MYO16: variants seen among roughly 807,000 people sequenced by gnomAD.
The protein encoded by MYO16 is myosin XVI.
MYO16 carries 94 observed loss-of-function variants against 205.3 expected under a neutral mutation model. That is an observed-to-expected ratio of 0.46 (90% confidence interval 0.39 to 0.54). The LOEUF (loss-of-function observed/expected upper bound fraction) is 0.54. MYO16 is among the 20% of genes least tolerant of loss of function. The pLI, the probability that MYO16 is intolerant of heterozygous loss-of-function variation, is 0.00. For synonymous variants in MYO16, 988 were observed against 954.0 expected (o/e 1.04, Z -0.66); for missense variants, 2,315 against 2,387.5 (o/e 0.97, Z 0.63).
rs1329440441 is a variant in MYO16 at position 109,179,761 on chromosome 13, T to C, written c.5415+128T>C. The C allele has an allele frequency of 4.9e-5, 32 of 658,706 alleles. No homozygotes were observed. The South Asian group carries it at 5.9e-4, about 12-fold the overall frequency. The allele number at this position is 658,706 out of a possible 1,614,324, so 40.8% of individuals were successfully genotyped here. A position where few individuals can be genotyped will look rare whatever the true frequency, so the allele number is the denominator to read the frequency against. On this transcript the variant is annotated intron_variant, in intron 34 of 34. Coordinates refer to ENST00000457511, the MANE Select transcript of MYO16 (RefSeq NM_001198950.3). ...GGCTCAGCTGTTCTCACCTCTGCCCTGCACTCCTTCAGCTGAATGGTCTTC... is the reference window on the plus strand; with the variant it reads ...GGCTCAGCTGTTCTCACCTCTGCCCCGCACTCCTTCAGCTGAATGGTCTTC...
At chr13:108,965,580 A>G (rs1228995332) in intron 20 of MYO16, among the ~76,000 whole-genome samples, 1 of 151,812 alleles carries the variant, frequency 6.6e-6, no homozygotes, top group East Asian at 1.9e-4. Context: ...CTAATTTTGT[A>G]TTTTTAGTAG....
intron 4 of MYO16, among the ~76,000 whole-genome samples, chr13:108,770,570 T>C (rs747137958): frequency 6.6e-5 from 10 of 152,170 alleles, no homozygotes; most frequent in Non-Finnish European, 1.5e-4. Context: ...GCTGCTTGCC[T>C]TTTCCAGTTC....
chr13:109,106,962 C>T (rs567860806), intron 28 of MYO16, among the ~76,000 whole-genome samples: 1 of 152,256 alleles, frequency 6.6e-6, no homozygotes, highest in African/African-American at 2.4e-5. Flanking sequence ...GATAACATAT[C>T]GTCTATGATT....
intron 34 of MYO16, among the ~76,000 whole-genome samples, chr13:109,190,507 C>G (rs923515297): frequency 6.6e-6 from 1 of 152,174 alleles, no homozygotes; most frequent in Non-Finnish European, 1.5e-5. Flanking sequence ...AAACACAAAG[C>G]ACAATAATTT....
intron 6 of MYO16, among the ~76,000 whole-genome samples, chr13:108,804,810 G>C (rs936143691): frequency 2.0e-4 from 30 of 152,170 alleles, no homozygotes; most frequent in Non-Finnish European, 4.4e-5. Flanking sequence ...ACTTTGGATA[G>C]AGTCTCTAGT....
chr13:108,966,693 C>T (rs1015861092), intron 20 of MYO16, among the ~76,000 whole-genome samples: 19 of 152,116 alleles, frequency 1.2e-4, no homozygotes, highest in Admixed American at 5.2e-4. Flanking sequence ...TCATTTCTGT[C>T]GTAACTCCCA....
chr13:109,001,182 A>T (rs544427962), intron 21 of MYO16, among the ~76,000 whole-genome samples: 56 of 107,254 alleles, frequency 5.2e-4, no homozygotes, highest in African/African-American at 1.4e-3. Context: ...TAAAAAATTT[A>T]AAAAAAAAAA....
intron 27 of MYO16, among the ~76,000 whole-genome samples, chr13:109,067,782 G>A (rs954378825): frequency 2.6e-5 from 4 of 152,078 alleles, no homozygotes; most frequent in Non-Finnish European, 4.4e-5. Flanking sequence ...AGACTCGTTC[G>A]TGGCGTAAGG....
chr13:108,522,766 TTG>T, the MYO16 span, among the ~76,000 whole-genome samples: 6 of 149,744 alleles, frequency 4.0e-5, no homozygotes, highest in Non-Finnish European at 6.0e-5. Context: ...GTGTGTGTGT[TTG>T]TGTGTGTGTG....
chr13:108,707,680 A>G (rs1234678131), intron 2 of MYO16, among the ~76,000 whole-genome samples: 1 of 152,218 alleles, frequency 6.6e-6, no homozygotes, highest in Non-Finnish European at 1.5e-5. Context: ...AGGATCTTCT[A>G]TCAAGTCTTT....
chr13:108,905,065 A>G (rs1332131558), intron 15 of MYO16, among the ~76,000 whole-genome samples: 1 of 152,130 alleles, frequency 6.6e-6, no homozygotes, highest in Non-Finnish European at 1.5e-5. Context: ...TTCTTTTTCT[A>G]ATTTACTCGC....
chr13:109,027,819 A>C (rs1886414200), intron 23 of MYO16, among the ~76,000 whole-genome samples: 1 of 152,170 alleles, frequency 6.6e-6, no homozygotes, highest in African/African-American at 2.4e-5. Context: ...CAGGAATACA[A>C]CAGTACTTCG....
chr13:108,825,403 G>A (rs1876197076), intron 9 of MYO16, among the ~76,000 whole-genome samples: 1 of 151,416 alleles, frequency 6.6e-6, no homozygotes, highest in Admixed American at 6.6e-5. Flanking sequence ...ACCTGATAAG[G>A]GGCAAGTACC....
intron 4 of MYO16, among the ~76,000 whole-genome samples, chr13:108,776,663 A>G (rs1886133813): frequency 6.6e-6 from 1 of 152,154 alleles, no homozygotes. Flanking sequence ...TATTTTTAAA[A>G]AGACACACTG....
intron 16 of MYO16, among the ~76,000 whole-genome samples, chr13:108,919,062 C>T (rs574725767): frequency 7.2e-5 from 11 of 152,072 alleles, no homozygotes; most frequent in Admixed American, 3.9e-4. Context: ...TGGAAATAGA[C>T]TTTTTCTCCA....
chr13:108,665,828 C>CTGGTGACTATA, intron 1 of MYO16, 58 bp from the exon 2 acceptor site: 1 of 1,530,294 alleles, frequency 6.5e-7, no homozygotes, highest in South Asian at 1.2e-5. Flanking sequence ...TGCTGTGGTG[C>CTGGTGACTATA]ACACTTATAG....
intron 7 of MYO16, among the ~76,000 whole-genome samples, chr13:108,812,910 G>A (rs891428395): frequency 2.6e-5 from 4 of 152,124 alleles, no homozygotes; most frequent in African/African-American, 9.7e-5. Flanking sequence ...GAGAGACTAA[G>A]GCCTGCTGGT....
chr13:108,868,299 T>C (rs1160288765), intron 12 of MYO16, among the ~76,000 whole-genome samples: 3 of 152,210 alleles, frequency 2.0e-5, no homozygotes, highest in Non-Finnish European at 4.4e-5. Context: ...CTTGGTCATA[T>C]TTCATTTGTT....
intron 16 of MYO16, among the ~76,000 whole-genome samples, chr13:108,917,894 C>G (rs1881568033): frequency 6.6e-6 from 1 of 152,208 alleles, no homozygotes; most frequent in African/African-American, 2.4e-5. Flanking sequence ...TTGAGCACTT[C>G]TCATAGATTT....
Sources: allele counts gnomAD v4.1 joint callset (sites outside exome capture counted in the v4.1 genomes callset), GRCh38; gene constraint gnomAD v4.1.1; transcripts MANE v1.5; gene names NCBI Gene and HGNC (gene_info 2026-07-23, HGNC 2026-07-21).